ADGRA2: variants seen among roughly 807,000 people sequenced by gnomAD.
ADGRA2 encodes adhesion G protein-coupled receptor A2.
A neutral mutation model predicts 98.7 loss-of-function variants in ADGRA2; 61 were observed. The observed-to-expected ratio is 0.62, with a 90% CI of 0.50 to 0.76. The LOEUF is 0.76. Ranked by LOEUF, ADGRA2 falls within the 30% of genes least tolerant of loss-of-function variation. ADGRA2 has a pLI of 0.00. For missense variants in ADGRA2, 1,712 were observed against 1,860.0 expected (o/e 0.92, Z 1.46); for synonymous variants, 858 against 831.5 (o/e 1.03, Z -0.55).
At chr8:37,800,867 T>C (rs1804481519) in intron 1 of ADGRA2, among the ~76,000 whole-genome samples, 1 of 152,226 alleles carries the variant, frequency 6.6e-6, no homozygotes, top group Non-Finnish European at 1.5e-5. Context: ...GCTTGTCACC[T>C]GGTGCAAATA....
Position 37,830,627 on chromosome 8 carries a change from C to A in ADGRA2, c.719-83C>A. On this transcript the variant is annotated intron_variant, in intron 6 of 18. Transcript: ENST00000412232. This position sits in a 1 kb window ranked among gnomAD's most constrained non-coding sequence, Gnocchi z 4.8. The stretch of plus-strand genomic sequence containing the variant: ...GGCCGAGGGCCCCGCCCCGCCCCAC[C>A]CCATCCTGCTGGACTCTCGCTCACA... 1 of 707,972 alleles carries A rather than the reference C, an allele frequency of 1.4e-6. No homozygotes were observed. The allele number at this position is 707,972 out of a possible 1,614,324, so 43.9% of individuals were successfully genotyped here.
At chr8:37,827,980 T>A (rs79534475) in intron 2 of ADGRA2, among the ~76,000 whole-genome samples, 2,871 of 98,536 alleles carry the variant, frequency 0.029, 67 homozygotes, top group African/African-American at 0.076. Context: ...CCAAAAAAAA[T>A]TTTTTTTTTT....
chr8:37,813,457 C>T (rs536572588), intron 1 of ADGRA2, among the ~76,000 whole-genome samples: 164 of 152,124 alleles, frequency 1.1e-3, no homozygotes, highest in African/African-American at 3.8e-3. Flanking sequence ...ATCTAATATC[C>T]CATATAACGA....
chr8:37,840,215 C>A lies in ADGRA2; in HGVS notation c.2606C>A (p.Pro869His), dbSNP rs1240840102. 6.2e-7 allele frequency: 1 copy of A among 1,612,716 alleles called. No individual in the cohort carries two copies. The highest frequency in any genetic ancestry group is 1.3e-5 in the African/African-American group (1 of 75,046). ...CATAAGGAGCTCACCTGGAGGGCAC[C>A]CCCTCCGCAAGAAGGGGACCCCGCT... The part of the protein sequence containing the change: ...VLHKELTWRA[P>H]PPQEGDPALP... The change falls in exon 17 of 19, where the codon CCC becomes CAC. Residue 869 changes from proline (P) to histidine (H), a missense_variant. Coordinates refer to ENST00000412232, the MANE Select transcript of ADGRA2 (RefSeq NM_032777.10).
chr8:37,841,142 T>G lies in ADGRA2; in HGVS notation c.2804T>G (p.Ile935Ser). Residue 935 changes from isoleucine to serine, a missense_variant, in exon 19 of 19, where the codon ATT becomes AGT. Physicochemically the swap from Ile to Ser is moderately radical, Grantham distance 142 (BLOSUM62 -2). Coordinates refer to ENST00000412232, the MANE Select transcript of ADGRA2 (RefSeq NM_032777.10). This position sits in a 1 kb window ranked among gnomAD's most constrained non-coding sequence, Gnocchi z 5.0. ...LGAFYIPVAL[I>S]LLITWIYFLC... ...GCCTTCTACATCCCTGTGGCTTTGA[T>G]TCTGCTCATCACCTGGATCTATTTC... is the stretch of plus-strand genomic sequence containing the variant. 6.2e-7 allele frequency: 1 copy of G among 1,612,088 alleles called. No individual in the cohort carries two copies.
intron 1 of ADGRA2, among the ~76,000 whole-genome samples, chr8:37,798,899 C>G (rs1461987749): frequency 6.6e-6 from 1 of 152,194 alleles, no homozygotes; most frequent in Non-Finnish European, 1.5e-5. Context: ...CCCTGCTGCT[C>G]AGGGTAAGGC....
intron 8 of ADGRA2, among the ~76,000 whole-genome samples, chr8:37,832,275 A>T (rs1010553726): frequency 6.6e-6 from 1 of 152,038 alleles, no homozygotes; most frequent in Non-Finnish European, 1.5e-5. Flanking sequence ...CTGGTCTCGA[A>T]CTCCTGGCCT....
intron 17 of ADGRA2, 66 bp downstream of exon 17, chr8:37,840,332 C>T: frequency 6.4e-7 from 1 of 1,550,410 alleles, no homozygotes; most frequent in Non-Finnish European, 8.8e-7. Flanking sequence ...GGAAACCTCC[C>T]AAGGTGGGTG....
intron 1 of ADGRA2, among the ~76,000 whole-genome samples, chr8:37,806,068 G>T (rs759527036): frequency 6.6e-6 from 1 of 152,046 alleles, no homozygotes; most frequent in South Asian, 2.1e-4. Flanking sequence ...GGGCTTTTAG[G>T]TTGTGCATGG....
intron 1 of ADGRA2, among the ~76,000 whole-genome samples, chr8:37,812,983 C>T (rs1804881577): frequency 6.6e-6 from 1 of 152,140 alleles, no homozygotes; most frequent in South Asian, 2.1e-4. Context: ...CCACCACACC[C>T]AGCCCCTTGT....
intron 15 of ADGRA2, 43 bp from the exon 16 acceptor site, chr8:37,839,456 C>T: frequency 6.2e-7 from 1 of 1,611,430 alleles, no homozygotes; most frequent in Non-Finnish European, 8.5e-7. Context: ...ATGGGCCTGA[C>T]CTTGGGTTGG....
At position 37,835,765 on chromosome 8, in the gene ADGRA2, G is replaced by T; in HGVS notation, c.2045G>T (p.Gly682Val). Reference sequence around the variant, plus strand: ...GTGGCCACCCCCGTCATCTTCGCAGGAACCAGTAAGGGACTGAATTCCCCG... The same window carrying T: ...GTGGCCACCCCCGTCATCTTCGCAGTAACCAGTAAGGGACTGAATTCCCCG... ...RGVATPVIFA[G>V]TSGCGVGNLT... Residue 682 changes from glycine to valine, a missense_variant, in exon 13 of 19, where the codon GGA (glycine) becomes GTA (valine). Physicochemically the swap from Gly to Val is moderately radical, Grantham distance 109. Coordinates refer to ENST00000412232, the MANE Select transcript of ADGRA2 (RefSeq NM_032777.10). 6.2e-7 allele frequency: 1 copy of T among 1,608,214 alleles called. No individual in the cohort carries two copies.
At chr8:37,829,048 AC>A (rs369971099) in intron 3 of ADGRA2, 89 bp downstream of exon 3, 22 of 414,126 alleles carry the variant, frequency 5.3e-5, no homozygotes, top group Admixed American at 2.3e-4. Flanking sequence ...CCTTCCTCTC[AC>A]CCCCCCACAC....
At chr8:37,806,344 C>T (rs1253078226) in intron 1 of ADGRA2, among the ~76,000 whole-genome samples, 1 of 152,104 alleles carries the variant, frequency 6.6e-6, no homozygotes, top group Non-Finnish European at 1.5e-5. Context: ...TGGATGATTA[C>T]AGCAGACTAT....
At position 37,814,871 on chromosome 8, in the gene ADGRA2, G is replaced by T. The variant is rs745814229; in HGVS notation, c.267-25G>T. 9.5e-6 allele frequency: 15 copies of T among 1,582,132 alleles called. No homozygotes were observed. The South Asian group carries it at 1.7e-4, about 17-fold the overall frequency. ...CCAGCACATAACAGCACCTTGTCCT[G>T]TCTGTGTCCTCTCTGTCTCTTCAGG... On this transcript the variant is annotated intron_variant, in intron 1 of 18. Coordinates refer to ENST00000412232, the MANE Select transcript of ADGRA2 (RefSeq NM_032777.10). The surrounding 1 kb of genome is among the most constrained non-coding windows in gnomAD (Gnocchi z 4.3).
Position 37,840,856 on chromosome 8 carries a change from A to AGGGCGC in ADGRA2, c.2747+7_2747+8insGGGCGC. 1 of 1,483,352 alleles carries AGGGCGC rather than the reference A, an allele frequency of 6.7e-7. No homozygotes were observed. Among genetic ancestry groups the AGGGCGC allele is most frequent in the Non-Finnish European group, 9.4e-7 (1 of 1,067,528 alleles). The allele number at this position is 1,483,352 out of a possible 1,614,324, so 91.9% of individuals were successfully genotyped here. The stretch of plus-strand genomic sequence containing the variant: ...ACCGGGACCACAGCCCCTAGTGAGC[A>AGGGCGC]CCCCTCCCTCCCGCCCCAAGCCTAC... On this transcript the variant is annotated splice_region_variant and intron_variant, in intron 18 of 18. Transcript: ENST00000412232.
Position 37,830,060 on chromosome 8 carries a change from T to C in ADGRA2, c.718+46T>C, listed in dbSNP as rs775075211. Reference sequence around the variant, plus strand: ...ACACATCTCCCAGGGACCCTGCCTCTCCACCAACCCAGGGCCCAGACACGA... The same window carrying C: ...ACACATCTCCCAGGGACCCTGCCTCCCCACCAACCCAGGGCCCAGACACGA... On this transcript the variant is annotated intron_variant, in intron 6 of 18. Transcript: ENST00000412232. This position sits in a 1 kb window ranked among gnomAD's most constrained non-coding sequence, Gnocchi z 4.8. 2 of 1,331,568 alleles carry C rather than the reference T, an allele frequency of 1.5e-6. No individual in the cohort carries two copies. The highest frequency in any genetic ancestry group is 2.0e-6 in the Non-Finnish European group (2 of 990,544). The allele number at this position is 1,331,568 out of a possible 1,614,324, so 82.5% of individuals were successfully genotyped here.
At position 37,842,548 on chromosome 8, in the gene ADGRA2, A is replaced by C; in HGVS notation, c.*193A>C. ...GGTAGCGACAGACAATCCCAGAAAC[A>C]CGCATAATACATTTCCGTCCAGCCC... On this transcript the variant is annotated 3_prime_UTR_variant, in exon 19 of 19. Coordinates refer to ENST00000412232, the MANE Select transcript of ADGRA2 (RefSeq NM_032777.10). 3.2e-6 allele frequency: 3 copies of C among 934,080 alleles called. No homozygotes were observed. Among genetic ancestry groups the C allele is most frequent in the African/African-American group, 1.7e-5 (1 of 57,500 alleles). The allele number at this position is 934,080 out of a possible 1,614,324, so 57.9% of individuals were successfully genotyped here.
chr8:37,819,201 A>G (rs759047062), intron 2 of ADGRA2, among the ~76,000 whole-genome samples: 1 of 152,246 alleles, frequency 6.6e-6, no homozygotes, highest in East Asian at 1.9e-4. Flanking sequence ...CATAAGGAGA[A>G]GATAATCACA....
Sources: allele counts gnomAD v4.1 joint callset (sites outside exome capture counted in the v4.1 genomes callset), GRCh38; gene constraint gnomAD v4.1.1; non-coding constraint Gnocchi (gnomAD v3.1); transcripts MANE v1.5; gene names NCBI Gene and HGNC (gene_info 2026-07-23, HGNC 2026-07-21).